The following WDR37 variants were observed in gnomAD, a reference collection of about 807,000 sequenced individuals.
The protein encoded by WDR37 is WD repeat-containing protein 37.
In WDR37, 19 loss-of-function variants were observed where a neutral mutation model predicts 62.9. The ratio of observed to expected loss-of-function variants is 0.30; its 90% confidence interval spans 0.21 to 0.44. The LOEUF (loss-of-function observed/expected upper bound fraction) is 0.44, where lower values mean the gene tolerates loss of function less well. Ranked by LOEUF, WDR37 falls within the 20% of genes least tolerant of loss-of-function variation. WDR37 has a pLI of 1.00. For synonymous variants in WDR37, 250 were observed against 260.9 expected, an observed-to-expected ratio of 0.96 and a Z score of 0.40; for missense variants, 474 against 657.6, an observed-to-expected ratio of 0.72 and a Z score of 3.05.
At chr10:1,074,434 C>G (rs1405814071) in intron 2 of WDR37, 3 of 1,304,236 alleles carry the variant, frequency 2.3e-6, no homozygotes, top group Non-Finnish European at 2.0e-6. Context: ...GCCTGTGTCT[C>G]CCACGCTCGC....
In WDR37 at chr10:1,131,378, T is replaced by A. The variant is rs1367850157; in HGVS notation, c.*2034T>A. 6.6e-6 allele frequency: 1 copy of A among 152,230 alleles called. No homozygotes were observed. Among genetic ancestry groups the A allele is most frequent in the Non-Finnish European group, 1.5e-5 (1 of 68,038 alleles). The allele number at this position is 152,230 out of a possible 1,614,324, so 9.4% of individuals were successfully genotyped here. A position where few individuals can be genotyped will look rare whatever the true frequency, so the allele number is the denominator to read the frequency against. ...TGGCTGCAAATAGCCAAATCAAACT[T>A]AAGAACCAGATCTCTGCCAGATTAA... On this transcript the variant is annotated 3_prime_UTR_variant, in exon 14 of 14. Transcript: ENST00000263150.
At chr10:1,100,221 G>C (rs1471299194) in intron 9 of WDR37, among the ~76,000 whole-genome samples, 1 of 152,198 alleles carries the variant, frequency 6.6e-6, no homozygotes, top group African/African-American at 2.4e-5. Flanking sequence ...ATTTGGGGCT[G>C]GTGTTGGGGG....
At position 1,105,410 on chromosome 10, in the gene WDR37, T is replaced by C. The variant is rs1834970330; in HGVS notation, c.1103+143T>C. On this transcript the variant is annotated intron_variant, in intron 11 of 13. Transcript: ENST00000263150. The surrounding 1 kb of genome is among the most constrained non-coding windows in gnomAD (Gnocchi z 5.3). ...AATAACTACCTTTCAAATTCTGCTA[T>C]TCTTTTTCTAAACATTTAGCTCCAT... is the stretch of plus-strand genomic sequence containing the variant. 3 of 1,160,282 alleles carry C rather than the reference T, an allele frequency of 2.6e-6. No homozygotes were observed. The highest frequency in any genetic ancestry group is 3.1e-5 in the African/African-American group (2 of 64,240). The allele number at this position is 1,160,282 out of a possible 1,614,324, so 71.9% of individuals were successfully genotyped here. A position where few individuals can be genotyped will look rare whatever the true frequency, so the allele number is the denominator to read the frequency against.
At chr10:1,112,105 T>G (rs1284069895) in intron 11 of WDR37, among the ~76,000 whole-genome samples, 2 of 152,220 alleles carry the variant, frequency 1.3e-5, no homozygotes, top group African/African-American at 4.8e-5. Flanking sequence ...GATTGATGTT[T>G]TTTGCAAATG....
chr10:1,091,583 C>T (rs1287701393), intron 7 of WDR37, among the ~76,000 whole-genome samples: 2 of 152,190 alleles, frequency 1.3e-5, no homozygotes, highest in African/African-American at 4.8e-5. Context: ...GCATTTTCTT[C>T]ACAAGGGGTG....
chr10:1,129,129 G>C, intron 13 of WDR37, 84 bp from the exon 14 acceptor site: 1 of 1,565,664 alleles, frequency 6.4e-7, no homozygotes, highest in East Asian at 2.3e-5. Context: ...TACTTTGAGT[G>C]ATGTGGTTAT....
chr10:1,066,013 A>G (rs545670832), intron 1 of WDR37, among the ~76,000 whole-genome samples: 38 of 58,742 alleles, frequency 6.5e-4, no homozygotes, highest in Non-Finnish European at 9.9e-4. Flanking sequence ...AGTTGTATTT[A>G]TACTAGCAAT....
chr10:1,106,355 C>T (rs1045618750), intron 11 of WDR37, among the ~76,000 whole-genome samples: 3 of 152,164 alleles, frequency 2.0e-5, no homozygotes, highest in African/African-American at 7.2e-5. Flanking sequence ...ACCAGTGCTG[C>T]TCTCCACCCC....
In WDR37 at chr10:1,083,766, T is replaced by C. The variant is rs372048740; in HGVS notation, c.397-637T>C. On this transcript the variant is annotated intron_variant, in intron 5 of 13. Coordinates refer to ENST00000263150, the MANE Select transcript of WDR37 (RefSeq NM_014023.4). ...GCGTTGTCTCCTGCTGGGCTGAGCA[T>C]GTCCAAAAGGCCAGGGGCCTACGGC... Among the ~76,000 whole-genome samples the C allele has an allele frequency of 4.6e-4, 70 of 152,354 alleles. 1 individual carries two copies. In the South Asian group the frequency reaches 0.014, roughly 30 times the overall value.
intron 9 of WDR37, among the ~76,000 whole-genome samples, chr10:1,101,953 G>A (rs561827423): frequency 5.9e-5 from 9 of 152,250 alleles, no homozygotes; most frequent in African/African-American, 1.9e-4. Flanking sequence ...GTGTTCCCGT[G>A]CTGCTCTGCA....
intron 10 of WDR37, among the ~76,000 whole-genome samples, chr10:1,104,412 A>C (rs1834935756): frequency 6.6e-6 from 1 of 152,198 alleles, no homozygotes; most frequent in Non-Finnish European, 1.5e-5. Flanking sequence ...TGCCTTTCCC[A>C]CACAGCAGCC....
Position 1,096,043 on chromosome 10 carries a change from A to G in WDR37, c.650-127A>G, listed in dbSNP as rs531602355. On this transcript the variant is annotated intron_variant, in intron 8 of 13. Coordinates refer to ENST00000263150, the MANE Select transcript of WDR37 (RefSeq NM_014023.4). ...AAAGAGTTATTTAAGTAAAAAGTAC[A>G]TTCCTCTCACTAAGTGGTCACTAAG... is the stretch of plus-strand genomic sequence containing the variant. 5.4e-4 allele frequency: 424 copies of G among 780,452 alleles called. 4 individuals carry two copies. The South Asian group carries it at 6.5e-3, about 12-fold the overall frequency. 48.3% of individuals were successfully genotyped at this position (780,452 alleles called of 1,614,324 possible). A position where few individuals can be genotyped will look rare whatever the true frequency, so the allele number is the denominator to read the frequency against.
At chr10:1,072,045 A>G (rs564780247) in intron 1 of WDR37, 71 bp from the exon 2 acceptor site, 11 of 1,240,120 alleles carry the variant, frequency 8.9e-6, no homozygotes, top group South Asian at 3.1e-5. Context: ...AGTCATCATT[A>G]TCTTCTTCAC....
chr10:1,077,538 C>T (rs529869804), intron 2 of WDR37, among the ~76,000 whole-genome samples: 6 of 152,172 alleles, frequency 3.9e-5, no homozygotes, highest in East Asian at 1.9e-4. Context: ...TGTAGGATAG[C>T]GTATGATGGC....
Position 1,080,455 on chromosome 10 carries a change from T to G in WDR37, c.375T>G (p.Thr125=). ...TSQLSQKLKT[T]YKASTSKIVS... ...AGCTCTCCCAGAAACTGAAGACCAC[T>G]TACAAGGCTTCCACCAGCAAGGTAT... The change falls in exon 5 of 14, where the codon ACT becomes ACG. Residue 125 remains threonine (T), a synonymous_variant. Coordinates refer to ENST00000263150, the MANE Select transcript of WDR37 (RefSeq NM_014023.4). The G allele has an allele frequency of 3.7e-6, 6 of 1,614,166 alleles. No homozygotes were observed. Among genetic ancestry groups the G allele is most frequent in the Non-Finnish European group, 5.1e-6 (6 of 1,180,022 alleles).
At position 1,130,269 on chromosome 10, in the gene WDR37, C is replaced by T. The variant is rs1439239872; in HGVS notation, c.*925C>T. 6.6e-6 allele frequency: 1 copy of T among 152,652 alleles called. No homozygotes were observed. Among genetic ancestry groups the T allele is most frequent in the African/African-American group, 2.4e-5 (1 of 41,434 alleles). 9.5% of individuals were successfully genotyped at this position (152,652 alleles called of 1,614,324 possible). On this transcript the variant is annotated 3_prime_UTR_variant, in exon 14 of 14. Coordinates refer to ENST00000263150, the MANE Select transcript of WDR37 (RefSeq NM_014023.4). ...CAACAACACTACCTCAGAGACGGGTCTTTGGGAAACTTTGGGTCTCACTGT... is the reference window on the plus strand; with the variant it reads ...CAACAACACTACCTCAGAGACGGGTTTTTGGGAAACTTTGGGTCTCACTGT...
rs186218882 is a variant in WDR37 at position 1,093,884 on chromosome 10, C to T, written c.649+388C>T. ...AAAAGAGAAAAGTAGCACAGAGACA[C>T]AGCAAGTTGCCAATGTCAGCATTTT... On this transcript the variant is annotated intron_variant, in intron 8 of 13. Coordinates refer to ENST00000263150, the MANE Select transcript of WDR37 (RefSeq NM_014023.4). Among the ~76,000 whole-genome samples the T allele has an allele frequency of 3.1e-3, 474 of 152,316 alleles. 2 individuals are homozygous for T. Among genetic ancestry groups the T allele is most frequent in the Middle Eastern group, 0.01 (3 of 294 alleles).
At chr10:1,088,296 T>G (rs916978495) in intron 7 of WDR37, among the ~76,000 whole-genome samples, 2 of 152,252 alleles carry the variant, frequency 1.3e-5, no homozygotes, top group Admixed American at 6.5e-5. Flanking sequence ...AGTTGGCTGT[T>G]TGGTGCAAGA....
chr10:1,092,699 T>TA (rs1206185185), intron 7 of WDR37, among the ~76,000 whole-genome samples: 1 of 151,434 alleles, frequency 6.6e-6, no homozygotes, highest in Non-Finnish European at 1.5e-5. Context: ...CTGTCTCTAC[T>TA]AAAAATACAA....
Sources: allele counts gnomAD v4.1 joint callset (sites outside exome capture counted in the v4.1 genomes callset), GRCh38; gene constraint gnomAD v4.1.1; non-coding constraint Gnocchi (gnomAD v3.1); transcripts MANE v1.5; gene names NCBI Gene and HGNC (gene_info 2026-07-23, HGNC 2026-07-21).